The following SIRPB2 variants were observed in gnomAD, a reference collection of about 807,000 sequenced individuals.
The protein encoded by SIRPB2 is signal-regulatory protein beta-2.
Under a neutral mutation model 27.1 loss-of-function variants are expected in SIRPB2, and 18 were observed. The observed-to-expected ratio is 0.66, with a 90% CI of 0.46 to 0.98. The LOEUF is 0.98. Ranked by LOEUF, SIRPB2 falls within the 50% of genes least tolerant of loss-of-function variation. The pLI is 0.00. For synonymous variants in SIRPB2, 150 were observed against 164.6 expected, an observed-to-expected ratio of 0.91 and a Z score of 0.68; for missense variants, 420 against 417.4, an observed-to-expected ratio of 1.01 and a Z score of -0.06.
chr20:1,471,526 T>C (rs1375049156), downstream of SIRPB2, among the ~76,000 whole-genome samples: 1 of 152,250 alleles, frequency 6.6e-6, no homozygotes, highest in Non-Finnish European at 1.5e-5. Context: ...GAATGATCTG[T>C]GTAGCAAAGT....
Position 1,475,866 on chromosome 20 carries a change from G to A in SIRPB2, c.*301C>T, listed in dbSNP as rs907688752. ...GCCAAGAAGGATGTAGCGAGGTGGGGAAAGGGGCAGGGCGCACCAGAAAGG... is the reference window on the plus strand; with the variant it reads ...GCCAAGAAGGATGTAGCGAGGTGGGAAAAGGGGCAGGGCGCACCAGAAAGG... On this transcript the variant is annotated 3_prime_UTR_variant, in exon 5 of 5. Transcript: ENST00000359801. 2.4e-5 allele frequency: 7 copies of A among 294,530 alleles called. No individual in the cohort carries two copies. Among genetic ancestry groups the A allele is most frequent in the Non-Finnish European group, 3.8e-5 (6 of 157,178 alleles). The allele number at this position is 294,530 out of a possible 1,614,324, so 18.2% of individuals were successfully genotyped here. A position where few individuals can be genotyped will look rare whatever the true frequency, so the allele number is the denominator to read the frequency against.
At position 1,478,564 on chromosome 20, in the gene SIRPB2, C is replaced by T; in HGVS notation, c.495G>A (p.Gln165=). The change falls in exon 3 of 5, where the codon CAG becomes CAA. Residue 165 remains glutamine (Q), a synonymous_variant. Coordinates refer to ENST00000359801, the MANE Select transcript of SIRPB2 (RefSeq NM_001122962.2). The part of the protein sequence containing the change: ...PEPDLWIIQP[Q]ELVLGTTGDT... The stretch of plus-strand genomic sequence containing the variant: ...CTCCAGTGGTCCCCAACACCAATTC[C>T]TGGGGCTGGATGATCCACAGGTCTG... 6.2e-7 allele frequency: 1 copy of T among 1,607,562 alleles called. No individual in the cohort carries two copies. Among genetic ancestry groups the T allele is most frequent in the Non-Finnish European group, 8.5e-7 (1 of 1,175,308 alleles).
chr20:1,479,836 T>C lies in SIRPB2; in HGVS notation c.315A>G (p.Pro105=), dbSNP rs540297579. Residue 105 remains proline, a synonymous_variant, in exon 2 of 5, where the codon CCA becomes CCG. Transcript: ENST00000359801. The part of the protein sequence containing the change: ...VMPMIQRTSE[P]LNCDYSIYIH... ...TATAGATGGAATAATCACAATTCAG[T>C]GGTTCTGATGTCCGTTGGATCATGG... The C allele has an allele frequency of 2.5e-6, 4 of 1,614,256 alleles. No individual in the cohort carries two copies. Among genetic ancestry groups the C allele is most frequent in the Non-Finnish European group, 3.4e-6 (4 of 1,180,040 alleles).
chr20:1,477,898 C>A (rs529618275), intron 3 of SIRPB2: 43 of 448,004 alleles, frequency 9.6e-5, no homozygotes, highest in African/African-American at 6.8e-4. Context: ...TGGTCTTGAA[C>A]TCCTGACTCA....
intron 4 of SIRPB2, chr20:1,476,840 G>T: frequency 1.8e-6 from 2 of 1,094,156 alleles, no homozygotes; most frequent in Non-Finnish European, 2.2e-6. Flanking sequence ...GATGTGCTAG[G>T]CACAGTTCTG....
At chr20:1,481,106 T>A (rs941422950) in intron 1 of SIRPB2, among the ~76,000 whole-genome samples, 1 of 152,230 alleles carries the variant, frequency 6.6e-6, no homozygotes, top group Non-Finnish European at 1.5e-5. Flanking sequence ...TCACATGTAT[T>A]CCTTCTAAGA....
At chr20:1,487,964 CAT>C (rs2090742422) in intron 1 of SIRPB2, among the ~76,000 whole-genome samples, 1 of 152,204 alleles carries the variant, frequency 6.6e-6, no homozygotes, top group Non-Finnish European at 1.5e-5. Flanking sequence ...TATAACTAAA[CAT>C]AAAATGTTAA....
intron 1 of SIRPB2, chr20:1,480,387 T>C: frequency 3.7e-6 from 1 of 269,624 alleles, no homozygotes; most frequent in Non-Finnish European, 7.1e-6. Context: ...CAGAGGAAAC[T>C]GAGGGTCCGG....
At chr20:1,484,351 C>T (rs778020927) in intron 1 of SIRPB2, among the ~76,000 whole-genome samples, 1 of 152,128 alleles carries the variant, frequency 6.6e-6, no homozygotes, top group Non-Finnish European at 1.5e-5. Context: ...ACAAATGGGA[C>T]TATATTAAAC....
chr20:1,478,601 C>A lies in SIRPB2; in HGVS notation c.458G>T (p.Gly153Val), dbSNP rs6033876. The change falls in exon 3 of 5, where the codon GGG becomes GTG. Residue 153 changes from glycine to valine, a missense_variant. By Grantham distance (109) the Gly-to-Val change is moderately radical. Transcript: ENST00000359801. ...GATCCACAGGTCTGGTTCAGGGTCC[C>A]CAGCTCCTGAAGCCAAAGAGGAGGT... ...EGTSVLVKGA[G>V]DPEPDLWIIQ... is the part of the protein sequence containing the mutation. The A allele has an allele frequency of 6.4e-7, 1 of 1,564,544 alleles. No homozygotes were observed. The highest frequency in any genetic ancestry group is 2.3e-5 in the East Asian group (1 of 44,092).
rs2090593918 is a variant in SIRPB2, at chr20:1,474,747, T to A, written c.*1420A>T. On this transcript the variant is annotated 3_prime_UTR_variant, in exon 5 of 5. Coordinates refer to ENST00000359801, the MANE Select transcript of SIRPB2 (RefSeq NM_001122962.2). ...ACCACCACGCCTGGCTAATTTTTTG[T>A]ATTTTTAGTAGAGACGAGGTTTCAC... 6.6e-6 allele frequency: 1 copy of A among 152,366 alleles called. No homozygotes were observed. The highest frequency in any genetic ancestry group is 2.4e-5 in the African/African-American group (1 of 41,568). The allele number at this position is 152,366 out of a possible 1,614,324, so 9.4% of individuals were successfully genotyped here. A position where few individuals can be genotyped will look rare whatever the true frequency, so the allele number is the denominator to read the frequency against.
At chr20:1,488,029 A>G (rs1281431717) in intron 1 of SIRPB2, among the ~76,000 whole-genome samples, 1 of 152,230 alleles carries the variant, frequency 6.6e-6, no homozygotes, top group Non-Finnish European at 1.5e-5. Flanking sequence ...ACTTTGGGTT[A>G]GGCAAAGATT....
At chr20:1,480,748 T>A (rs2123027411) in intron 1 of SIRPB2, among the ~76,000 whole-genome samples, 1 of 152,322 alleles carries the variant, frequency 6.6e-6, no homozygotes, top group South Asian at 2.1e-4. Context: ...ACATTTCTAT[T>A]GTTCAAGCCG....
intron 1 of SIRPB2, among the ~76,000 whole-genome samples, chr20:1,488,196 G>A (rs1390116409): frequency 6.6e-6 from 1 of 151,970 alleles, no homozygotes; most frequent in African/African-American, 2.4e-5. Context: ...CATATATCTG[G>A]CAAAATATTT....
rs2090605896 is a variant in SIRPB2 at position 1,476,318 on chromosome 20, G to A, written c.878C>T (p.Ala293Val). The change falls in exon 5 of 5, where the codon GCA (alanine) becomes GTA (valine). Residue 293 changes from alanine to valine, a missense_variant. Transcript: ENST00000359801. ...MSPTGLLVVF[A>V]PVVLGLKAIT... ...TGCCTTCAGCCCCAGGACCACAGGT[G>A]CGAACACAACCAGGAGGCCTGGGAG... The A allele has an allele frequency of 1.9e-6, 3 of 1,613,006 alleles. No homozygotes were observed. Among genetic ancestry groups the A allele is most frequent in the Admixed American group, 1.7e-5 (1 of 59,820 alleles).
chr20:1,473,817 A>C (rs1323093036), downstream of SIRPB2: 1 of 456,298 alleles, frequency 2.2e-6, no homozygotes, highest in Non-Finnish European at 4.4e-6. Context: ...AACCACCTCC[A>C]TGCTTTCCTG....
At chr20:1,476,716 G>T in intron 4 of SIRPB2, 1 of 1,047,534 alleles carries the variant, frequency 9.5e-7, no homozygotes, top group Non-Finnish European at 1.2e-6. Flanking sequence ...ACGGGACCCA[G>T]GCCGTCTGGC....
rs370523347 is a variant in SIRPB2, at chr20:1,491,233, C to G, written c.85+42G>C. 3 of 1,571,680 alleles carry G rather than the reference C, an allele frequency of 1.9e-6. No homozygotes were observed. The South Asian group carries it at 3.5e-5, about 18-fold the overall frequency. ...CACTTAGTGCCCCTCTAGGGACTGA[C>G]CAGCCGGGGGTGGACCCTGTTCTAT... On this transcript the variant is annotated intron_variant, in intron 1 of 4. Transcript: ENST00000359801.
chr20:1,489,469 A>G (rs936703899), intron 1 of SIRPB2, among the ~76,000 whole-genome samples: 3 of 152,244 alleles, frequency 2.0e-5, no homozygotes, highest in African/African-American at 7.2e-5. Flanking sequence ...AGAAAGTCTT[A>G]TCTCAGCTAG....
Sources: gnomAD v4.1 joint callset for allele counts (sites outside exome capture counted in the v4.1 genomes callset) on GRCh38, gnomAD v4.1.1 for gene constraint, MANE v1.5 for transcripts, NCBI Gene and HGNC (gene_info 2026-07-23, HGNC 2026-07-21) for gene names.